The following AGBL1 variants were observed in gnomAD, a reference collection of about 807,000 sequenced individuals.
The protein encoded by AGBL1 is cytosolic carboxypeptidase 4.
In AGBL1, 130 loss-of-function variants were observed where a neutral mutation model predicts 118.9. The ratio of observed to expected loss-of-function variants is 1.09; its 90% CI spans 0.95 to 1.26. The LOEUF (loss-of-function observed/expected upper bound fraction) is 1.26. AGBL1 is among the 50% of genes most tolerant of loss of function. The pLI is 0.00. For synonymous variants in AGBL1, 555 were observed against 478.9 expected (o/e 1.16, Z -2.08); for missense variants, 1,584 against 1,298.1 (o/e 1.22, Z -3.38).
At chr15:86,646,687 T>G (rs770872376) in intron 21 of AGBL1, among the ~76,000 whole-genome samples, 1 of 152,168 alleles carries the variant, frequency 6.6e-6, no homozygotes, top group Non-Finnish European at 1.5e-5. Context: ...TAGGAAGAGC[T>G]CTGGACTGAA....
At chr15:87,009,967 C>A (rs2594334) in intron 24 of AGBL1, among the ~76,000 whole-genome samples, 83,062 of 152,000 alleles carry the variant, frequency 0.55, 24,787 homozygotes, top group South Asian at 0.72. Context: ...CTTGCCTTGT[C>A]TTGGATAAGA....
At chr15:86,197,342 C>T (rs986098168) in intron 5 of AGBL1, among the ~76,000 whole-genome samples, 17 of 152,094 alleles carry the variant, frequency 1.1e-4, no homozygotes, top group African/African-American at 3.6e-4. Context: ...ATAAGTGCAG[C>T]GCGATGGAAA....
At chr15:86,342,223 A>G (rs189951537) in intron 17 of AGBL1, among the ~76,000 whole-genome samples, 1 of 152,302 alleles carries the variant, frequency 6.6e-6, no homozygotes, top group Non-Finnish European at 1.5e-5. Flanking sequence ...TACAGGATGA[A>G]CATTTGGGAG....
At chr15:86,348,780 GAAAAA>G (rs60441568) in intron 17 of AGBL1, among the ~76,000 whole-genome samples, 16 of 127,916 alleles carry the variant, frequency 1.3e-4, no homozygotes, top group African/African-American at 2.8e-4. Context: ...TGTCTCAAAA[GAAAAA>G]AAAAAAAAAA....
At chr15:86,540,543 T>G (rs1206072298) in intron 19 of AGBL1, among the ~76,000 whole-genome samples, 1 of 151,998 alleles carries the variant, frequency 6.6e-6, no homozygotes, top group African/African-American at 2.4e-5. Flanking sequence ...TGCAGTGAGC[T>G]GAGATTGGGC....
chr15:86,329,824 C>A (rs1035769213), intron 17 of AGBL1, among the ~76,000 whole-genome samples: 3 of 151,966 alleles, frequency 2.0e-5, no homozygotes, highest in African/African-American at 7.3e-5. Context: ...CCTGGTTTAG[C>A]AGCCTGAGTT....
rs548043846 is a variant in AGBL1, at chr15:86,739,397, C to G, written c.3158+64961C>G. 1.2e-3 allele frequency among the ~76,000 whole-genome samples: 152 copies of G among 128,220 alleles called. 1 individual carries two copies. The highest frequency in any genetic ancestry group is 1.9e-3 in the Non-Finnish European group (126 of 64,982). 84.1% of individuals were successfully genotyped at this position (128,220 alleles called of 152,430 possible). On this transcript the variant is annotated intron_variant, in intron 22 of 22. Transcript: ENST00000614907. ...GGTGGAAGTTGTGGTGAGCCAAGAT[C>G]GTGCCATTGCACTCCAGCCTGGGCA...
chr15:86,337,561 A>G (rs986664505), intron 17 of AGBL1, among the ~76,000 whole-genome samples: 7 of 152,238 alleles, frequency 4.6e-5, no homozygotes, highest in Non-Finnish European at 7.3e-5. Context: ...TTGCAGGGAC[A>G]TGGATGAAGC....
At position 86,634,325 on chromosome 15, in the gene AGBL1, A is replaced by G. The variant is rs544237572; in HGVS notation, c.2995-39948A>G. On this transcript the variant is annotated intron_variant, in intron 21 of 22. Transcript: ENST00000614907. ...GTAGAAACAACCCCAAAGCCGGATA[A>G]CTGATGAAAGAATAAACACAATGTG... Among the ~76,000 whole-genome samples, 17 of 152,326 alleles carry G rather than the reference A, an allele frequency of 1.1e-4. 1 individual carries two copies. The highest frequency in any genetic ancestry group is 4.6e-4 in the Admixed American group (7 of 15,290).
At chr15:86,871,012 T>C (rs1395963331) in intron 22 of AGBL1, among the ~76,000 whole-genome samples, 1 of 152,200 alleles carries the variant, frequency 6.6e-6, no homozygotes, top group African/African-American at 2.4e-5. Context: ...GGATAGTAAC[T>C]CTTATCTGTC....
intron 5 of AGBL1, among the ~76,000 whole-genome samples, chr15:86,200,894 G>A (rs918062200): frequency 5.3e-5 from 8 of 152,028 alleles, no homozygotes; most frequent in South Asian, 2.1e-4. Context: ...AGGATTACAG[G>A]TGTGAGCCAC....
intron 23 of AGBL1, among the ~76,000 whole-genome samples, chr15:86,968,817 T>G (rs1297277320): frequency 2.0e-5 from 3 of 151,898 alleles, no homozygotes; most frequent in Admixed American, 1.3e-4. Flanking sequence ...ACCAGGAGAT[T>G]CGGTGTCTGG....
chr15:86,421,695 T>C lies in AGBL1; in HGVS notation c.2555+24149T>C, dbSNP rs552690936. 9.2e-5 allele frequency among the ~76,000 whole-genome samples: 14 copies of C among 152,194 alleles called. No homozygotes were observed. In the South Asian group the frequency reaches 2.3e-3, roughly 25 times the overall value. On this transcript the variant is annotated intron_variant, in intron 18 of 22. Transcript: ENST00000614907. ...AGTCAAGACCAATCGGTGTGCTGTA[T>C]TCAGGAGACCCATCTCACATGCAAA...
At chr15:86,755,148 A>C (rs983175460) in intron 22 of AGBL1, among the ~76,000 whole-genome samples, 1 of 152,094 alleles carries the variant, frequency 6.6e-6, no homozygotes, top group African/African-American at 2.4e-5. Context: ...TGTCTGCTCT[A>C]TGGAAAAGAC....
intron 22 of AGBL1, among the ~76,000 whole-genome samples, chr15:86,735,651 G>GATATATATATATATATAT (rs1196938111): frequency 9.0e-6 from 1 of 111,122 alleles, no homozygotes; most frequent in African/African-American, 4.2e-5. Flanking sequence ...CTGCTACAAA[G>GATATATATATATATATAT]AGAGATATAT....
chr15:86,259,072 G>A (rs2078942611), intron 9 of AGBL1, among the ~76,000 whole-genome samples: 1 of 152,184 alleles, frequency 6.6e-6, no homozygotes, highest in South Asian at 2.1e-4. Context: ...TGTACAACAA[G>A]TTTTCTAGAC....
chr15:86,809,698 C>G (rs2078762840), intron 22 of AGBL1, among the ~76,000 whole-genome samples: 1 of 152,106 alleles, frequency 6.6e-6, no homozygotes, highest in East Asian at 1.9e-4. Context: ...CATATTGGGT[C>G]ATTTTCTAGA....
intron 24 of AGBL1, among the ~76,000 whole-genome samples, chr15:87,028,542 T>TA (rs906433410): frequency 7.9e-5 from 12 of 151,608 alleles, no homozygotes; most frequent in African/African-American, 2.2e-4. Context: ...ATCCATTCAT[T>TA]AAAAAAAATG....
At chr15:86,860,819 C>T (rs557547651) in intron 22 of AGBL1, among the ~76,000 whole-genome samples, 3 of 152,192 alleles carry the variant, frequency 2.0e-5, no homozygotes, top group African/African-American at 7.2e-5. Flanking sequence ...CCACCTACCA[C>T]AGGGAAATCT....
Sources: allele counts gnomAD v4.1 joint callset (sites outside exome capture counted in the v4.1 genomes callset), GRCh38; gene constraint gnomAD v4.1.1; transcripts MANE v1.5; gene names NCBI Gene and HGNC (gene_info 2026-07-23, HGNC 2026-07-21).